BICC1: variants seen among roughly 807,000 people sequenced by gnomAD.
BICC1 encodes BicC family RNA binding protein 1.
BICC1 carries 43 observed loss-of-function variants against 111.0 expected under a neutral mutation model. The ratio of observed to expected loss-of-function variants is 0.39; its 90% CI spans 0.30 to 0.50. BICC1 has a LOEUF of 0.50. BICC1 is among the 20% of genes least tolerant of loss of function. The pLI, the probability that BICC1 is intolerant of heterozygous loss-of-function variation, is 0.88. For synonymous variants in BICC1, 467 were observed against 434.4 expected, an observed-to-expected ratio of 1.07 and a Z score of -0.93; for missense variants, 1,091 against 1,203.2, an observed-to-expected ratio of 0.91 and a Z score of 1.38.
At chr10:58,544,056 G>A (rs1265013979) in intron 1 of BICC1, among the ~76,000 whole-genome samples, 3 of 152,012 alleles carry the variant, frequency 2.0e-5, no homozygotes, top group Non-Finnish European at 4.4e-5. Context: ...TGTTTCACAG[G>A]GTGAATGCCT....
intron 3 of BICC1, among the ~76,000 whole-genome samples, chr10:58,779,280 C>T (rs1842824732): frequency 6.6e-6 from 1 of 152,176 alleles, no homozygotes; most frequent in South Asian, 2.1e-4. Flanking sequence ...AGTAGACTCT[C>T]GTCTTTGTAT....
At chr10:58,693,812 G>A (rs994758557) in intron 2 of BICC1, among the ~76,000 whole-genome samples, 2 of 152,112 alleles carry the variant, frequency 1.3e-5, no homozygotes, top group African/African-American at 2.4e-5. Flanking sequence ...TCTGTAGGTT[G>A]CCTGTTCACT....
chr10:58,583,584 C>CTCTCTCTG (rs1219991922), intron 1 of BICC1, among the ~76,000 whole-genome samples: 1 of 139,344 alleles, frequency 7.2e-6, no homozygotes, highest in East Asian at 2.1e-4. Flanking sequence ...TTCTCTCTCT[C>CTCTCTCTG]TGTGTGTGTG....
chr10:58,768,553 G>C (rs1255446504), intron 3 of BICC1, among the ~76,000 whole-genome samples: 1 of 152,044 alleles, frequency 6.6e-6, no homozygotes. Flanking sequence ...GGCAAATTCA[G>C]AATACTCCAA....
intron 11 of BICC1, among the ~76,000 whole-genome samples, chr10:58,798,792 A>G (rs555968671): frequency 1.3e-5 from 2 of 152,314 alleles, no homozygotes; most frequent in South Asian, 2.1e-4. Flanking sequence ...CAGACCTGGT[A>G]GTTAGGTTCT....
intron 19 of BICC1, among the ~76,000 whole-genome samples, chr10:58,819,525 AT>A (rs1370576325): frequency 6.6e-6 from 1 of 152,214 alleles, no homozygotes; most frequent in African/African-American, 2.4e-5. Context: ...TATTGTAAGC[AT>A]GTTGAAGATT....
rs772271213 is a variant in BICC1 at position 58,789,726 on chromosome 10, A to G, written c.840A>G (p.Ala280=). The part of the protein sequence containing the change: ...MLLEHLAGSL[A]SAIPVSTQLD... The stretch of plus-strand genomic sequence containing the variant: ...TAGAACATCTTGCTGGGAGCTTAGC[A>G]TCAGCTATTCCTGTGAGCACACAAC... Residue 280 remains alanine, a synonymous_variant, in exon 8 of 21, where the codon GCA becomes GCG. Coordinates refer to ENST00000373886, the MANE Select transcript of BICC1 (RefSeq NM_001080512.3). 3.1e-6 allele frequency: 5 copies of G among 1,614,158 alleles called. No homozygotes were observed. In the African/African-American group the frequency reaches 5.3e-5, roughly 17 times the overall value.
chr10:58,746,584 G>C (rs540865760), intron 3 of BICC1, among the ~76,000 whole-genome samples: 26 of 152,240 alleles, frequency 1.7e-4, no homozygotes, highest in Non-Finnish European at 3.2e-4. Flanking sequence ...AAACACTAAG[G>C]CTGCTCATTG....
chr10:58,639,820 C>T (rs1838070151), intron 2 of BICC1, among the ~76,000 whole-genome samples: 1 of 149,342 alleles, frequency 6.7e-6, no homozygotes, highest in Non-Finnish European at 1.5e-5. Flanking sequence ...TCAAGTGATC[C>T]TCCTACCTCA....
At chr10:58,820,826 G>T (rs1051704528) in intron 20 of BICC1, among the ~76,000 whole-genome samples, 3 of 152,096 alleles carry the variant, frequency 2.0e-5, no homozygotes, top group Non-Finnish European at 4.4e-5. Flanking sequence ...ATTCTTGATT[G>T]GCAGTTATGT....
At chr10:58,719,946 G>A (rs1320968026) in intron 3 of BICC1, among the ~76,000 whole-genome samples, 1 of 152,154 alleles carries the variant, frequency 6.6e-6, no homozygotes, top group Non-Finnish European at 1.5e-5. Context: ...TACTTCTTGA[G>A]TATGTCTGAA....
intron 3 of BICC1, among the ~76,000 whole-genome samples, chr10:58,778,219 GTAAT>G (rs1048373919): frequency 9.9e-5 from 15 of 151,964 alleles, no homozygotes; most frequent in Admixed American, 2.0e-4. Context: ...TCTCAAAAAA[GTAAT>G]TAATTAATTA....
In BICC1 at chr10:58,704,491, G is replaced by A. The variant is rs145396816; in HGVS notation, c.307+2348G>A. Among the ~76,000 whole-genome samples the A allele has an allele frequency of 6.6e-5, 10 of 152,268 alleles. No individual in the cohort carries two copies. The East Asian group carries it at 1.9e-3, about 29-fold the overall frequency. On this transcript the variant is annotated intron_variant, in intron 3 of 20. Coordinates refer to ENST00000373886, the MANE Select transcript of BICC1 (RefSeq NM_001080512.3). ...TTTTTAAATGATTCACTTCAGAGATGCAATTTTTGGACCATAATTTGTATT... is the reference window on the plus strand; with the variant it reads ...TTTTTAAATGATTCACTTCAGAGATACAATTTTTGGACCATAATTTGTATT...
intron 3 of BICC1, chr10:58,716,167 G>T: frequency 1.3e-6 from 2 of 1,501,928 alleles, no homozygotes; most frequent in Non-Finnish European, 1.8e-6. Flanking sequence ...GGAGGTGCGA[G>T]CAAAAAAGAA....
At chr10:58,813,100 C>T (rs1843963432) in intron 17 of BICC1, among the ~76,000 whole-genome samples, 1 of 151,972 alleles carries the variant, frequency 6.6e-6, no homozygotes, top group Admixed American at 6.6e-5. Flanking sequence ...TTGAAGTGAA[C>T]AGTAAAGGAT....
chr10:58,546,201 G>A (rs1213649067), intron 1 of BICC1, among the ~76,000 whole-genome samples: 1 of 152,036 alleles, frequency 6.6e-6, no homozygotes, highest in Admixed American at 6.6e-5. Flanking sequence ...CAAATTCCAG[G>A]AGTAACAGGA....
At chr10:58,543,735 T>A (rs1843057478) in intron 1 of BICC1, among the ~76,000 whole-genome samples, 1 of 151,430 alleles carries the variant, frequency 6.6e-6, no homozygotes, top group Admixed American at 6.6e-5. Context: ...GTTGAACTTC[T>A]GGCCTCAAGC....
intron 2 of BICC1, among the ~76,000 whole-genome samples, chr10:58,625,776 T>C (rs1336626890): frequency 6.6e-6 from 1 of 152,198 alleles, no homozygotes; most frequent in Non-Finnish European, 1.5e-5. Context: ...GTTCCCTCTG[T>C]ACCTAAAAAT....
intron 3 of BICC1, among the ~76,000 whole-genome samples, chr10:58,748,169 A>T (rs896283166): frequency 6.6e-6 from 1 of 152,132 alleles, no homozygotes; most frequent in Non-Finnish European, 1.5e-5. Context: ...TTTTAAATTT[A>T]TGTTTTCATT....
Sources: gnomAD v4.1 joint callset for allele counts (sites outside exome capture counted in the v4.1 genomes callset) on GRCh38, gnomAD v4.1.1 for gene constraint, MANE v1.5 for transcripts, NCBI Gene and HGNC (gene_info 2026-07-23, HGNC 2026-07-21) for gene names.